The following NBEA variants were observed in gnomAD, a reference collection of about 807,000 sequenced individuals.
NBEA encodes neurobeachin, also known as lysosomal-trafficking regulator 2.
In NBEA, 44 loss-of-function variants were observed where a neutral mutation model predicts 343.4. That is an observed-to-expected ratio of 0.13 (90% CI 0.10 to 0.16). The LOEUF (loss-of-function observed/expected upper bound fraction) is 0.16. Ranked by LOEUF, NBEA falls within the 10% of genes least tolerant of loss-of-function variation. The probability of loss-of-function intolerance (pLI) is 1.00; values close to 1 mark genes in which losing one functional copy is unlikely to be tolerated. For synonymous variants in NBEA, 1,175 were observed against 1,238.7 expected (o/e 0.95, Z 1.08); for missense variants, 2,555 against 3,631.3 (o/e 0.70, Z 7.62).
chr13:34,987,897 A>G (rs2060612200), intron 1 of NBEA, among the ~76,000 whole-genome samples: 1 of 150,876 alleles, frequency 6.6e-6, no homozygotes, highest in Admixed American at 6.6e-5. Context: ...CATTCATCTA[A>G]TCTTTTTTCA....
At chr13:35,184,122 T>A (rs1418509535) in intron 30 of NBEA, 51 bp downstream of exon 30, 1 of 1,332,744 alleles carries the variant, frequency 7.5e-7, no homozygotes, top group African/African-American at 1.5e-5. Flanking sequence ...ATTTCATGAA[T>A]TGTTTTAAAA....
intron 36 of NBEA, among the ~76,000 whole-genome samples, chr13:35,347,702 T>A (rs1379208566): frequency 6.6e-6 from 1 of 152,042 alleles, no homozygotes; most frequent in African/African-American, 2.4e-5. Context: ...CTCCTCCATC[T>A]CCTCCATGAT....
chr13:35,042,532 A>C (rs2062692948), intron 2 of NBEA, among the ~76,000 whole-genome samples: 1 of 151,806 alleles, frequency 6.6e-6, no homozygotes, highest in Non-Finnish European at 1.5e-5. Flanking sequence ...AATGAGCCAA[A>C]ATTACATGCA....
intron 34 of NBEA, among the ~76,000 whole-genome samples, chr13:35,236,190 A>G (rs2075217940): frequency 6.6e-6 from 1 of 152,154 alleles, no homozygotes; most frequent in Non-Finnish European, 1.5e-5. Context: ...TGATCCTTTA[A>G]ATTTTTGCTA....
intron 1 of NBEA, among the ~76,000 whole-genome samples, chr13:34,976,339 A>G (rs571363617): frequency 3.3e-5 from 5 of 152,258 alleles, no homozygotes; most frequent in East Asian, 1.9e-4. Flanking sequence ...CCCAAACCTC[A>G]TATGTTCTCA....
intron 35 of NBEA, among the ~76,000 whole-genome samples, chr13:35,308,070 T>G (rs779119388): frequency 2.0e-5 from 3 of 152,066 alleles, no homozygotes; most frequent in Admixed American, 6.6e-5. Flanking sequence ...GATTTGTTAT[T>G]CTATAATTCA....
chr13:35,455,720 C>T (rs1424872959), intron 40 of NBEA, among the ~76,000 whole-genome samples: 2 of 151,940 alleles, frequency 1.3e-5, no homozygotes, highest in Non-Finnish European at 2.9e-5. Context: ...TGTGCAGTAA[C>T]CCATTTAATC....
intron 17 of NBEA, among the ~76,000 whole-genome samples, chr13:35,139,744 GTTT>G (rs36117821): frequency 6.2e-3 from 380 of 61,032 alleles, no homozygotes; most frequent in African/African-American, 0.027. Context: ...GATGGATGGC[GTTT>G]TTTTTTTTTT....
intron 11 of NBEA, among the ~76,000 whole-genome samples, chr13:35,104,221 A>T (rs2065801824): frequency 6.6e-6 from 1 of 151,970 alleles, no homozygotes; most frequent in Non-Finnish European, 1.5e-5. Context: ...GATTTTGCTT[A>T]TATGATGCCT....
At chr13:35,371,162 T>C (rs961742827) in intron 38 of NBEA, among the ~76,000 whole-genome samples, 4 of 152,146 alleles carry the variant, frequency 2.6e-5, no homozygotes, top group African/African-American at 9.6e-5. Flanking sequence ...AATCACTTAC[T>C]AGACTTGGGA....
At chr13:35,034,796 A>G (rs781646637) in intron 1 of NBEA, among the ~76,000 whole-genome samples, 25 of 151,912 alleles carry the variant, frequency 1.6e-4, no homozygotes, top group Non-Finnish European at 2.2e-4. Context: ...CATTTCTTCT[A>G]GATTTTCCAA....
intron 11 of NBEA, among the ~76,000 whole-genome samples, chr13:35,101,991 T>A (rs758294289): frequency 2.6e-5 from 4 of 151,872 alleles, no homozygotes; most frequent in Non-Finnish European, 4.4e-5. Context: ...AAGATTATTC[T>A]GTTTCCTTCT....
At chr13:35,261,376 G>A (rs183732273) in intron 34 of NBEA, among the ~76,000 whole-genome samples, 1 of 152,024 alleles carries the variant, frequency 6.6e-6, no homozygotes, top group African/African-American at 2.4e-5. Context: ...GCTGGACATG[G>A]TAGAGCATAT....
Position 35,159,850 on chromosome 13 carries a change from T to C in NBEA, c.3679T>C (p.Ser1227Pro). Residue 1227 changes from serine (S) to proline (P), a missense_variant, in exon 22 of 59, where the codon TCA becomes CCA. Coordinates refer to ENST00000379939, the MANE Select transcript of NBEA (RefSeq NM_001385012.1). The stretch of plus-strand genomic sequence containing the variant: ...CAGTATTTCTGAAAGAGACTTAGCG[T>C]CATCAACTAAGGGGCTGGAGTATGC... Reference protein sequence around the residue: ...MSSISERDLASSTKGLEYAEM... With the variant: ...MSSISERDLAPSTKGLEYAEM... 1 of 1,607,540 alleles carries C rather than the reference T, an allele frequency of 6.2e-7. No individual in the cohort carries two copies. The highest frequency in any genetic ancestry group is 8.5e-7 in the Non-Finnish European group (1 of 1,176,606).
At chr13:35,156,618 G>A (rs937656957) in intron 20 of NBEA, among the ~76,000 whole-genome samples, 7 of 152,114 alleles carry the variant, frequency 4.6e-5, no homozygotes, top group Admixed American at 6.5e-5. Context: ...ATGGGGTAAA[G>A]TCTGAGGCCA....
At chr13:35,153,687 TAAA>T (rs879536688) in intron 18 of NBEA, among the ~76,000 whole-genome samples, 3 of 152,320 alleles carry the variant, frequency 2.0e-5, no homozygotes, top group Non-Finnish European at 2.9e-5. Context: ...AGTAGGGACT[TAAA>T]AAGACAATAT....
intron 10 of NBEA, among the ~76,000 whole-genome samples, chr13:35,085,524 A>G (rs1051187075): frequency 2.0e-5 from 3 of 152,182 alleles, no homozygotes; most frequent in Non-Finnish European, 4.4e-5. Flanking sequence ...CCTTTGACAA[A>G]ATTCAACAAC....
chr13:35,402,406 A>G (rs944567289), intron 38 of NBEA, among the ~76,000 whole-genome samples: 1 of 152,040 alleles, frequency 6.6e-6, no homozygotes, highest in Non-Finnish European at 1.5e-5. Context: ...ATAATGAAAG[A>G]TTGCCATATG....
intron 45 of NBEA, among the ~76,000 whole-genome samples, chr13:35,576,322 G>A (rs1216268616): frequency 2.0e-5 from 3 of 151,738 alleles, no homozygotes; most frequent in Non-Finnish European, 4.4e-5. Context: ...TCATCATGTT[G>A]GCCAGACTGA....
Sources: allele counts gnomAD v4.1 joint callset (sites outside exome capture counted in the v4.1 genomes callset), GRCh38; gene constraint gnomAD v4.1.1; transcripts MANE v1.5; gene names NCBI Gene and HGNC (gene_info 2026-07-23, HGNC 2026-07-21).